CHERP: variants seen among roughly 807,000 people sequenced by gnomAD.
CHERP encodes the protein ERPROT 213-21.
In CHERP, 8 loss-of-function variants were observed where a neutral mutation model predicts 113.8. The observed-to-expected ratio is 0.07, with a 90% CI of 0.04 to 0.13. CHERP has a LOEUF of 0.13. CHERP is among the 10% of genes least tolerant of loss of function. The pLI is 1.00. For synonymous variants in CHERP, 559 were observed against 524.5 expected (o/e 1.07, Z -0.90); for missense variants, 884 against 1,298.2 (o/e 0.68, Z 4.90).
rs532420622 is a variant in CHERP at position 16,535,445 on chromosome 19, C to A, written c.384+7G>T. On this transcript the variant is annotated splice_region_variant and intron_variant, in intron 3 of 16. Transcript: ENST00000546361. This position sits in a 1 kb window ranked among gnomAD's most constrained non-coding sequence, Gnocchi z 4.3. ...GGTGTCTGGCCGAGGAGGCGGCGGG[C>A]CCATACCTGTCTGAGCGCCAGCAAG... 7.5e-6 allele frequency: 12 copies of A among 1,605,996 alleles called. No individual in the cohort carries two copies. The South Asian group carries it at 1.2e-4, about 16-fold the overall frequency.
In CHERP at chr19:16,535,715, A is replaced by G; in HGVS notation, c.200-79T>C. ...GTCCCCTTGGCCACCTCTCAGCCAC[A>G]GGGGCCTCCCCCTCCCCAGGGACTC... On this transcript the variant is annotated intron_variant, in intron 2 of 16. Coordinates refer to ENST00000546361, the MANE Select transcript of CHERP (RefSeq NM_006387.6). This position sits in a 1 kb window ranked among gnomAD's most constrained non-coding sequence, Gnocchi z 4.3. 1.5e-6 allele frequency: 2 copies of G among 1,342,880 alleles called. No individual in the cohort carries two copies. Among genetic ancestry groups the G allele is most frequent in the Non-Finnish European group, 2.0e-6 (2 of 1,013,336 alleles). The allele number at this position is 1,342,880 out of a possible 1,614,324, so 83.2% of individuals were successfully genotyped here. A position where few individuals can be genotyped will look rare whatever the true frequency, so the allele number is the denominator to read the frequency against.
rs774200505 is a variant in CHERP, at chr19:16,530,863, C to T, written c.692G>A (p.Arg231Gln). The change falls in exon 6 of 17, where the codon CGG (arginine) becomes CAG (glutamine). Residue 231 changes from arginine to glutamine, a missense_variant. Transcript: ENST00000546361. This position sits in a 1 kb window ranked among gnomAD's most constrained non-coding sequence, Gnocchi z 4.1. ...VLHHCQRKQARELLAALQKVV... is the reference protein window; with the variant it reads ...VLHHCQRKQAQELLAALQKVV... ...CTTCTGCAGGGCGGCCAGCAGCTCCCGGGCCTGCTTGCGCTGGCTGTGAGG... is the reference window on the plus strand; with the variant it reads ...CTTCTGCAGGGCGGCCAGCAGCTCCTGGGCCTGCTTGCGCTGGCTGTGAGG... 7 of 1,613,492 alleles carry T rather than the reference C, an allele frequency of 4.3e-6. No individual in the cohort carries two copies. Among genetic ancestry groups the T allele is most frequent in the Non-Finnish European group, 4.2e-6 (5 of 1,179,946 alleles).
In CHERP at chr19:16,525,271, A is replaced by G; in HGVS notation, c.1712T>C (p.Phe571Ser). 1 of 1,433,836 alleles carries G rather than the reference A, an allele frequency of 7.0e-7. No individual in the cohort carries two copies. The highest frequency in any genetic ancestry group is 9.2e-7 in the Non-Finnish European group (1 of 1,091,810). 88.8% of individuals were successfully genotyped at this position (1,433,836 alleles called of 1,614,324 possible). The change falls in exon 10 of 17, where the codon TTC becomes TCC. Residue 571 changes from phenylalanine (F) to serine (S), a missense_variant. Transcript: ENST00000546361. The surrounding 1 kb of genome is among the most constrained non-coding windows in gnomAD (Gnocchi z 6.5). ...AGGGAAGTCCCCCTGGGGGTAGTCG[A>G]AGCGGTGGGGATAGGGCGGCCGCTC... ...PFERPPYPHR[F>S]DYPQGDFPAE... is the part of the protein sequence containing the mutation.
At position 16,530,690 on chromosome 19, in the gene CHERP, G is replaced by C. The variant is rs45537744; in HGVS notation, c.787-16C>G. 0.09 allele frequency: 145,575 copies of C among 1,613,980 alleles called. 7,414 individuals are homozygous for C. The highest frequency in any genetic ancestry group is 0.1 in the Non-Finnish European group (119,997 of 1,179,912). On this transcript the variant is annotated splice_polypyrimidine_tract_variant and intron_variant, in intron 6 of 16. Transcript: ENST00000546361. The surrounding 1 kb of genome is among the most constrained non-coding windows in gnomAD (Gnocchi z 4.1). ...GCTGCAGGAGCTGGCGGTGGGAGGAGAGAGAGGCCGGGTCAGTGGGGAGGG... is the reference window on the plus strand; with the variant it reads ...GCTGCAGGAGCTGGCGGTGGGAGGACAGAGAGGCCGGGTCAGTGGGGAGGG...
At chr19:16,521,091 G>A (rs1271293010) in intron 12 of CHERP, 179 bp from the exon 13 acceptor site, 3 of 634,090 alleles carry the variant, frequency 4.7e-6, no homozygotes, top group Non-Finnish European at 8.5e-6. Flanking sequence ...TCCTCCTGCA[G>A]CCCAGTGGCT....
In CHERP at chr19:16,525,576, G is replaced by A. The variant is rs773049662; in HGVS notation, c.1407C>T (p.Asp469=). 1.7e-5 allele frequency: 26 copies of A among 1,539,646 alleles called. No homozygotes were observed. In the South Asian group the frequency reaches 3.1e-4, roughly 18 times the overall value. ...HEGMWGEQRG[D]PGWNGQRDAP... ...CGTCGCGCTGGCCGTTCCAGCCGGG[G>A]TCACCGCGCTGCTCGCCCCACATGC... Residue 469 remains aspartate, a synonymous_variant, in exon 10 of 17, where the codon GAC becomes GAT. Transcript: ENST00000546361. This position sits in a 1 kb window ranked among gnomAD's most constrained non-coding sequence, Gnocchi z 6.5.
At chr19:16,539,369 G>T (rs897750527) in intron 2 of CHERP, among the ~76,000 whole-genome samples, 3 of 151,778 alleles carry the variant, frequency 2.0e-5, no homozygotes, top group Admixed American at 6.6e-5. Flanking sequence ...GGATGGTCTC[G>T]ATCTCCTGAC....
rs942853469 is a variant in CHERP, at chr19:16,521,164, G to T, written c.2115-252C>A. ...CTGAGGTGGTGGGGACCCATGGTCT[G>T]TGGAACTGGGAAACAGGAACACTGA... On this transcript the variant is annotated intron_variant, in intron 12 of 16. Coordinates refer to ENST00000546361, the MANE Select transcript of CHERP (RefSeq NM_006387.6). 3 of 586,728 alleles carry T rather than the reference G, an allele frequency of 5.1e-6. No homozygotes were observed. The African/African-American group carries it at 5.6e-5, about 11-fold the overall frequency. 36.3% of individuals were successfully genotyped at this position (586,728 alleles called of 1,614,324 possible).
chr19:16,530,807 A>G lies in CHERP; in HGVS notation c.748T>C (p.Leu250=). ...VVVPIYCTSF[L]AVEEDKQQKI... ...TGCTGCTTGTCTTCCTCCACGGCCA[A>G]GAAGCTGGTGCAGTAGATGGGCACC... Residue 250 remains leucine (L), a synonymous_variant, in exon 6 of 17, where the codon TTG becomes CTG. Coordinates refer to ENST00000546361, the MANE Select transcript of CHERP (RefSeq NM_006387.6). This position sits in a 1 kb window ranked among gnomAD's most constrained non-coding sequence, Gnocchi z 4.1. 6.2e-7 allele frequency: 1 copy of G among 1,613,974 alleles called. No individual in the cohort carries two copies. The highest frequency in any genetic ancestry group is 8.5e-7 in the Non-Finnish European group (1 of 1,179,988).
At chr19:16,522,232 GCCCCAAGCCCCGGCCCTGGCCT>G (rs1182745858) in intron 11 of CHERP, among the ~76,000 whole-genome samples, 1 of 151,544 alleles carries the variant, frequency 6.6e-6, no homozygotes, top group East Asian at 2.0e-4. Context: ...GCCCTTGGAG[GCCCCAAGCCCCGGCCCTGGCCT>G]CCCCAACCCC....
At chr19:16,522,872 C>T (rs1369487560) in intron 11 of CHERP, among the ~76,000 whole-genome samples, 180 bp downstream of exon 11, 2 of 152,272 alleles carry the variant, frequency 1.3e-5, no homozygotes, top group African/African-American at 4.8e-5. Flanking sequence ...TGGTGTCGCT[C>T]ACAGCCACAC....
At chr19:16,535,000 C>G (rs559279435) in intron 3 of CHERP, among the ~76,000 whole-genome samples, 2 of 151,820 alleles carry the variant, frequency 1.3e-5, no homozygotes, top group African/African-American at 4.8e-5. Flanking sequence ...CGTTTGAACT[C>G]GGGAGGTAGG....
In CHERP at chr19:16,520,943, C is replaced by G. The variant is rs766896734; in HGVS notation, c.2115-31G>C. The G allele has an allele frequency of 6.3e-7, 1 of 1,575,884 alleles. No homozygotes were observed. Among genetic ancestry groups the G allele is most frequent in the Admixed American group, 1.7e-5 (1 of 59,980 alleles). The stretch of plus-strand genomic sequence containing the variant: ...AGACACGGCATTCCGTGTGTGACCA[C>G]GTGACACCCACCCACAAGGAAGTCG... On this transcript the variant is annotated intron_variant, in intron 12 of 16. Transcript: ENST00000546361. The surrounding 1 kb of genome is among the most constrained non-coding windows in gnomAD (Gnocchi z 4.0).
rs549724277 is a variant in CHERP at position 16,522,999 on chromosome 19, C to T, written c.1980+53G>A. The T allele has an allele frequency of 3.3e-4, 488 of 1,473,074 alleles. 1 individual carries two copies. Among genetic ancestry groups the T allele is most frequent in the African/African-American group, 1.2e-3 (79 of 68,294 alleles). The allele number at this position is 1,473,074 out of a possible 1,614,324, so 91.3% of individuals were successfully genotyped here. A position where few individuals can be genotyped will look rare whatever the true frequency, so the allele number is the denominator to read the frequency against. ...TGCATTCACTTTTCACAAGGAGAAA[C>T]GGGGACCAGTATGGTAAGCGTGCTC... is the stretch of plus-strand genomic sequence containing the variant. On this transcript the variant is annotated intron_variant, in intron 11 of 16. Coordinates refer to ENST00000546361, the MANE Select transcript of CHERP (RefSeq NM_006387.6).
Position 16,542,400 on chromosome 19 carries a change from C to T in CHERP, c.-22G>A. The T allele has an allele frequency of 7.4e-7, 1 of 1,356,122 alleles. No individual in the cohort carries two copies. The highest frequency in any genetic ancestry group is 9.6e-7 in the Non-Finnish European group (1 of 1,046,922). The allele number at this position is 1,356,122 out of a possible 1,614,324, so 84.0% of individuals were successfully genotyped here. On this transcript the variant is annotated 5_prime_UTR_variant, in exon 1 of 17. Coordinates refer to ENST00000546361, the MANE Select transcript of CHERP (RefSeq NM_006387.6). ...CCATGGCTCCGGCCGCGGGGAACGT[C>T]CTCCGGCGCCACACGATCGACCACC... is the stretch of plus-strand genomic sequence containing the variant.
At position 16,525,760 on chromosome 19, in the gene CHERP, G is replaced by A. The variant is rs564083008; in HGVS notation, c.1306-83C>T. 26 of 1,305,580 alleles carry A rather than the reference G, an allele frequency of 2.0e-5. No individual in the cohort carries two copies. The South Asian group carries it at 4.2e-4, about 21-fold the overall frequency. The allele number at this position is 1,305,580 out of a possible 1,614,324, so 80.9% of individuals were successfully genotyped here. On this transcript the variant is annotated intron_variant, in intron 9 of 16. Coordinates refer to ENST00000546361, the MANE Select transcript of CHERP (RefSeq NM_006387.6). This position sits in a 1 kb window ranked among gnomAD's most constrained non-coding sequence, Gnocchi z 6.5. ...CATCACAGCGCTCGGCAGCATCACAGCGCTGGCTCAGACCATGGAGGCGCT... is the reference window on the plus strand; with the variant it reads ...CATCACAGCGCTCGGCAGCATCACAACGCTGGCTCAGACCATGGAGGCGCT...
Position 16,519,390 on chromosome 19 carries a change from G to A in CHERP, c.2558-38C>T. 1 of 1,591,640 alleles carries A rather than the reference G, an allele frequency of 6.3e-7. No homozygotes were observed. Among genetic ancestry groups the A allele is most frequent in the East Asian group, 2.2e-5 (1 of 44,702 alleles). On this transcript the variant is annotated intron_variant, in intron 16 of 16. Coordinates refer to ENST00000546361, the MANE Select transcript of CHERP (RefSeq NM_006387.6). This position sits in a 1 kb window ranked among gnomAD's most constrained non-coding sequence, Gnocchi z 6.0. The stretch of plus-strand genomic sequence containing the variant: ...ACGCAGTCACAACCACAACAAGGCG[G>A]AGGCAGATGGGGGTGCACGTGGGGG...
chr19:16,536,468 G>T (rs2085742405), intron 2 of CHERP, among the ~76,000 whole-genome samples: 1 of 152,124 alleles, frequency 6.6e-6, no homozygotes, highest in Non-Finnish European at 1.5e-5. Context: ...ACTCCAAGGG[G>T]ACCAGGACAA....
intron 8 of CHERP, among the ~76,000 whole-genome samples, chr19:16,528,781 G>A (rs960290665): frequency 4.6e-5 from 7 of 152,122 alleles, no homozygotes; most frequent in African/African-American, 1.4e-4. Context: ...GTGAAACCCC[G>A]TCTCTACTAA....
Sources: allele counts gnomAD v4.1 joint callset (sites outside exome capture counted in the v4.1 genomes callset), GRCh38; gene constraint gnomAD v4.1.1; non-coding constraint Gnocchi (gnomAD v3.1); transcripts MANE v1.5; gene names NCBI Gene and HGNC (gene_info 2026-07-23, HGNC 2026-07-21).